MON1A: variants seen among roughly 807,000 people sequenced by gnomAD.
MON1A encodes the protein MON1 vesicular trafficking associated A, also known as vacuolar fusion protein MON1 homolog A.
MON1A carries 29 observed loss-of-function variants against 44.6 expected under a neutral mutation model. The observed-to-expected ratio is 0.65, with a 90% CI of 0.48 to 0.89. The LOEUF (loss-of-function observed/expected upper bound fraction) is 0.89, where lower values mean the gene tolerates loss of function less well. Ranked by LOEUF, MON1A falls within the 40% of genes least tolerant of loss-of-function variation. MON1A has a pLI of 0.00. For synonymous variants in MON1A, 275 were observed against 316.4 expected (o/e 0.87, Z 1.39); for missense variants, 615 against 759.6 (o/e 0.81, Z 2.24).
At chr3:49,912,373 G>A in intron 2 of MON1A, 1 of 199,008 alleles carries the variant, frequency 5.0e-6, no homozygotes, top group African/African-American at 2.3e-5. Context: ...CTCCACACCT[G>A]CTGTCAGCTG....
chr3:49,910,081 T>C lies in MON1A; in HGVS notation c.1379+38A>G. On this transcript the variant is annotated intron_variant, in intron 4 of 5. Transcript: ENST00000296473. The surrounding 1 kb of genome is among the most constrained non-coding windows in gnomAD (Gnocchi z 8.0). Reference sequence around the variant, plus strand: ...ACAGCCTCCCGACTCCACATGTCCCTGTCCCGCTACAGCAGTGCCCTCAAG... The same window carrying C: ...ACAGCCTCCCGACTCCACATGTCCCCGTCCCGCTACAGCAGTGCCCTCAAG... 1.3e-6 allele frequency: 2 copies of C among 1,538,174 alleles called. No homozygotes were observed. Among genetic ancestry groups the C allele is most frequent in the African/African-American group, 1.4e-5 (1 of 72,696 alleles).
At position 49,929,683 on chromosome 3, in the gene MON1A, G is replaced by T; in HGVS notation, c.-88C>A. The T allele has an allele frequency of 1.3e-6, 2 of 1,551,146 alleles. No homozygotes were observed. Among genetic ancestry groups the T allele is most frequent in the Admixed American group, 2.0e-5 (1 of 50,986 alleles). ...TCTGCCGGACCCATGGAGGGGTAAG[G>T]GTGTCCGGCCGGGGCCGGCCTGAGG... On this transcript the variant is annotated 5_prime_UTR_variant, in exon 1 of 6. Coordinates refer to ENST00000296473, the MANE Select transcript of MON1A (RefSeq NM_032355.4).
At chr3:49,912,987 A>G (rs1374569573) in intron 2 of MON1A, 2 of 660,364 alleles carry the variant, frequency 3.0e-6, no homozygotes, top group Non-Finnish European at 5.5e-6. Flanking sequence ...GGAACAGAAG[A>G]GCCCACAATG....
Position 49,910,042 on chromosome 3 carries a change from G to C in MON1A, c.1379+77C>G. 6.8e-7 allele frequency: 1 copy of C among 1,474,132 alleles called. No individual in the cohort carries two copies. 91.3% of individuals were successfully genotyped at this position (1,474,132 alleles called of 1,614,324 possible). On this transcript the variant is annotated intron_variant, in intron 4 of 5. Transcript: ENST00000296473. This position sits in a 1 kb window ranked among gnomAD's most constrained non-coding sequence, Gnocchi z 8.0. ...GGGACAGCTTCAGGGCTACATCTCAGAGCTCAGGACCAAACAGCCTCCCGA... is the reference window on the plus strand; with the variant it reads ...GGGACAGCTTCAGGGCTACATCTCACAGCTCAGGACCAAACAGCCTCCCGA...
chr3:49,912,907 G>A (rs976681890), intron 2 of MON1A: 1 of 471,478 alleles, frequency 2.1e-6, no homozygotes, highest in Non-Finnish European at 3.9e-6. Context: ...GTGCTATACA[G>A]AGCATGGTCA....
rs1374261227 is a variant in MON1A, at chr3:49,909,228, C to T, written c.1527+25G>A. The T allele has an allele frequency of 6.2e-7, 1 of 1,613,650 alleles. No individual in the cohort carries two copies. Among genetic ancestry groups the T allele is most frequent in the Non-Finnish European group, 8.5e-7 (1 of 1,179,894 alleles). On this transcript the variant is annotated intron_variant, in intron 5 of 5. Transcript: ENST00000296473. This position sits in a 1 kb window ranked among gnomAD's most constrained non-coding sequence, Gnocchi z 4.0. ...CCCATACCTAGGACCTCCATAAAGC[C>T]CAGCCCATCCCAGGGCTGCCTTACC...
intron 1 of MON1A, 199 bp downstream of exon 1, chr3:49,929,410 G>C: frequency 1.5e-6 from 1 of 667,518 alleles, no homozygotes; most frequent in Non-Finnish European, 2.6e-6. Flanking sequence ...CCCAGCCAAA[G>C]GATGGGTTCC....
At position 49,927,533 on chromosome 3, in the gene MON1A, G is replaced by A. The variant is rs1054334824; in HGVS notation, c.-14+2076C>T. Among the ~76,000 whole-genome samples, 10 of 152,080 alleles carry A rather than the reference G, an allele frequency of 6.6e-5. No homozygotes were observed. In the South Asian group the frequency reaches 8.3e-4, roughly 13 times the overall value. ...CCTACAGTGGCATATGGGCAAATAC[G>A]CTTCTGACCTTGCAAAGCCAGGTGG... On this transcript the variant is annotated intron_variant, in intron 1 of 5. Coordinates refer to ENST00000296473, the MANE Select transcript of MON1A (RefSeq NM_032355.4).
intron 1 of MON1A, among the ~76,000 whole-genome samples, chr3:49,915,017 TAAAC>T (rs1012074403): frequency 6.6e-6 from 1 of 152,098 alleles, no homozygotes; most frequent in Admixed American, 6.6e-5. Flanking sequence ...TGTAAATAAT[TAAAC>T]AAACTGATAG....
rs2082872761 is a variant in MON1A at position 49,911,068 on chromosome 3, C to T, written c.614-184G>A. 6.6e-6 allele frequency among the ~76,000 whole-genome samples: 1 copy of T among 152,198 alleles called. No individual in the cohort carries two copies. Among genetic ancestry groups the T allele is most frequent in the Admixed American group, 6.5e-5 (1 of 15,280 alleles). On this transcript the variant is annotated intron_variant, in intron 3 of 5. Transcript: ENST00000296473. This position sits in a 1 kb window ranked among gnomAD's most constrained non-coding sequence, Gnocchi z 5.7. ...TTCTCCCTGAGGGCTCAGGGCCTAT[C>T]CCTGCCACTTGCTTCAAAGACTAGC...
chr3:49,922,592 A>G lies in MON1A; in HGVS notation c.-14+7017T>C, dbSNP rs562966769. 8.8e-5 allele frequency among the ~76,000 whole-genome samples: 13 copies of G among 147,912 alleles called. No homozygotes were observed. The South Asian group carries it at 2.9e-3, about 33-fold the overall frequency. On this transcript the variant is annotated intron_variant, in intron 1 of 5. Coordinates refer to ENST00000296473, the MANE Select transcript of MON1A (RefSeq NM_032355.4). ...GAAGGAGGGAAGGAAGGAAAGAAGGAAGGAAGCAAGGAAGGGGAAGGAGGG... is the reference window on the plus strand; with the variant it reads ...GAAGGAGGGAAGGAAGGAAAGAAGGGAGGAAGCAAGGAAGGGGAAGGAGGG...
chr3:49,913,687 G>A (rs919658577), intron 1 of MON1A, among the ~76,000 whole-genome samples: 2 of 110,308 alleles, frequency 1.8e-5, no homozygotes, highest in Middle Eastern at 5.0e-3. Flanking sequence ...TTTTGAGACA[G>A]TGTCTCGCTC....
At position 49,929,594 on chromosome 3, in the gene MON1A, T is replaced by C; in HGVS notation, c.-14+15A>G. On this transcript the variant is annotated intron_variant, in intron 1 of 5. Transcript: ENST00000296473. The stretch of plus-strand genomic sequence containing the variant: ...CTAGGTGCCTCCAGGCCACGTGGGC[T>C]GGCAGTCAACTCACCTGTTTCTCAG... 6.4e-7 allele frequency: 1 copy of C among 1,551,482 alleles called. No individual in the cohort carries two copies. The highest frequency in any genetic ancestry group is 1.4e-5 in the African/African-American group (1 of 73,180).
chr3:49,910,881 C>G lies in MON1A; in HGVS notation c.617G>C (p.Gly206Ala). The G allele has an allele frequency of 6.3e-7, 1 of 1,596,090 alleles. No homozygotes were observed. Among genetic ancestry groups the G allele is most frequent in the Non-Finnish European group, 8.6e-7 (1 of 1,167,154 alleles). ...CCGGCGCACGAATACTACCTTGTAG[C>G]CATCTGAGAGCGGGACAGGAAAGAA... ...KNAIRSIHAD[G>A]YKVVFVRRSP... Residue 206 changes from glycine (G) to alanine (A), a missense_variant, in exon 4 of 6, where the codon GGC becomes GCC. Transcript: ENST00000296473. The surrounding 1 kb of genome is among the most constrained non-coding windows in gnomAD (Gnocchi z 8.0).
At chr3:49,927,502 G>A (rs574330633) in intron 1 of MON1A, among the ~76,000 whole-genome samples, 1 of 152,274 alleles carries the variant, frequency 6.6e-6, no homozygotes, top group South Asian at 2.1e-4. Flanking sequence ...CTGAGATTTT[G>A]CTCAGCCTAC....
rs2082966921 is a variant in MON1A at position 49,918,399 on chromosome 3, C to G, written c.-13-5040G>C. 3.3e-5 allele frequency among the ~76,000 whole-genome samples: 5 copies of G among 151,636 alleles called. No individual in the cohort carries two copies. The South Asian group carries it at 1.0e-3, about 32-fold the overall frequency. On this transcript the variant is annotated intron_variant, in intron 1 of 5. Coordinates refer to ENST00000296473, the MANE Select transcript of MON1A (RefSeq NM_032355.4). ...TACCACCACGAGCTTACCTCATCTG[C>G]CAGAATAGGCCTTCCCTCTTTTTTT...
chr3:49,920,181 T>A (rs2082984292), intron 1 of MON1A, among the ~76,000 whole-genome samples: 1 of 152,178 alleles, frequency 6.6e-6, no homozygotes, highest in Non-Finnish European at 1.5e-5. Flanking sequence ...TCCAGGATCA[T>A]CTTACTTCAC....
intron 1 of MON1A, among the ~76,000 whole-genome samples, chr3:49,918,337 CAAAA>C (rs199995947): frequency 1.4e-5 from 2 of 145,120 alleles, no homozygotes; most frequent in African/African-American, 5.1e-5. Flanking sequence ...AACTCTGTCT[CAAAA>C]AAAAAGAACA....
At chr3:49,917,996 C>T (rs944884657) in intron 1 of MON1A, among the ~76,000 whole-genome samples, 9 of 151,402 alleles carry the variant, frequency 5.9e-5, no homozygotes, top group African/African-American at 1.9e-4. Context: ...TGTGGTGAGC[C>T]GAGATTACAC....
Sources: gnomAD v4.1 joint callset for allele counts (sites outside exome capture counted in the v4.1 genomes callset) on GRCh38, gnomAD v4.1.1 for gene constraint, Gnocchi (gnomAD v3.1) non-coding constraint, MANE v1.5 for transcripts, NCBI Gene and HGNC (gene_info 2026-07-23, HGNC 2026-07-21) for gene names.